FOXN3: variants seen among roughly 807,000 people sequenced by gnomAD.
FOXN3 encodes forkhead box protein N3.
Under a neutral mutation model 38.4 loss-of-function variants are expected in FOXN3, and 7 were observed. That is an observed-to-expected ratio of 0.18 (90% CI 0.10 to 0.34). The LOEUF is 0.34. FOXN3 is among the 10% of genes least tolerant of loss of function. FOXN3 has a pLI of 1.00. For synonymous variants in FOXN3, 230 were observed against 242.2 expected (o/e 0.95, Z 0.47); for missense variants, 456 against 613.4 (o/e 0.74, Z 2.71).
intron 1 of FOXN3, among the ~76,000 whole-genome samples, chr14:89,434,822 A>G (rs1892240948): frequency 6.6e-6 from 1 of 152,236 alleles, no homozygotes; most frequent in African/African-American, 2.4e-5. Context: ...ACATTTGACA[A>G]GAAACCATTT....
In FOXN3 at chr14:89,360,708, TCCAGCACTACCTCCA is replaced by T. The variant is rs1280071670; in HGVS notation, c.544-9915_544-9901del. On this transcript the variant is annotated intron_variant, in intron 2 of 5. Transcript: ENST00000557258. ...AAACTCATCCTCAGCTACCACCACC[TCCAGCACTACCTCCA>T]CCACCACCACCTCCAGCACCACCTC... is the stretch of plus-strand genomic sequence containing the variant. Among the ~76,000 whole-genome samples, 113 of 143,938 alleles carry T rather than the reference TCCAGCACTACCTCCA, an allele frequency of 7.9e-4. 3 individuals are homozygous for T. The highest frequency in any genetic ancestry group is 1.9e-3 in the East Asian group (9 of 4,646). 94.4% of individuals were successfully genotyped at this position (143,938 alleles called of 152,430 possible).
chr14:89,230,526 T>C (rs1391957171), intron 4 of FOXN3, among the ~76,000 whole-genome samples: 1 of 152,258 alleles, frequency 6.6e-6, no homozygotes, highest in South Asian at 2.1e-4. Context: ...GGATTAAGTA[T>C]ACATAAAGGG....
chr14:89,389,002 A>G (rs1890863801), intron 2 of FOXN3, among the ~76,000 whole-genome samples: 1 of 152,006 alleles, frequency 6.6e-6, no homozygotes, highest in South Asian at 2.1e-4. Flanking sequence ...TGGGAAGAGA[A>G]CTCAGAGATT....
chr14:89,378,016 G>C (rs1890533041), intron 2 of FOXN3, among the ~76,000 whole-genome samples: 1 of 152,184 alleles, frequency 6.6e-6, no homozygotes, highest in Non-Finnish European at 1.5e-5. Context: ...CTGACACCTT[G>C]ATCTTGGACT....
chr14:89,230,296 CT>C (rs1243283386), intron 4 of FOXN3, among the ~76,000 whole-genome samples: 1 of 152,234 alleles, frequency 6.6e-6, no homozygotes, highest in Admixed American at 6.5e-5. Context: ...CAGAAAACGT[CT>C]GCTGAATGGA....
chr14:89,411,616 A>C (rs1450914319), intron 2 of FOXN3, among the ~76,000 whole-genome samples: 1 of 152,218 alleles, frequency 6.6e-6, no homozygotes, highest in Non-Finnish European at 1.5e-5. Flanking sequence ...ACCTTTGTTA[A>C]GACCCTAAAA....
At chr14:89,423,094 G>A (rs1171153362) in intron 1 of FOXN3, among the ~76,000 whole-genome samples, 1 of 152,206 alleles carries the variant, frequency 6.6e-6, no homozygotes, top group South Asian at 2.1e-4. Flanking sequence ...GAAGAGGCCA[G>A]GAGAAACAGA....
intron 4 of FOXN3, among the ~76,000 whole-genome samples, chr14:89,230,169 T>A (rs1001431710): frequency 6.6e-6 from 1 of 152,250 alleles, no homozygotes; most frequent in Non-Finnish European, 1.5e-5. Context: ...GATTTGCTTA[T>A]ATGTCTGTGA....
intron 3 of FOXN3, among the ~76,000 whole-genome samples, chr14:89,328,552 A>G (rs1383000904): frequency 1.3e-5 from 2 of 152,168 alleles, no homozygotes; most frequent in Non-Finnish European, 2.9e-5. Flanking sequence ...TGAATGGGGG[A>G]AGAGACATTC....
intron 3 of FOXN3, among the ~76,000 whole-genome samples, chr14:89,324,846 C>T (rs966393985): frequency 6.6e-6 from 1 of 152,108 alleles, no homozygotes; most frequent in African/African-American, 2.4e-5. Context: ...CTTAAACCAC[C>T]TGGAGATTGT....
At chr14:89,280,819 G>T (rs1430939246) in intron 4 of FOXN3, 131 bp downstream of exon 4, 6 of 689,820 alleles carry the variant, frequency 8.7e-6, no homozygotes, top group African/African-American at 5.4e-5. Flanking sequence ...ACCCACAACA[G>T]TCACACTTCT....
intron 1 of FOXN3, among the ~76,000 whole-genome samples, chr14:89,581,754 G>C (rs978789142): frequency 2.6e-5 from 4 of 152,226 alleles, no homozygotes; most frequent in Admixed American, 2.0e-4. Context: ...TTCTACTTCA[G>C]GGATTCCCTC....
chr14:89,272,939 A>AT (rs1429086763), intron 4 of FOXN3, among the ~76,000 whole-genome samples: 1 of 152,212 alleles, frequency 6.6e-6, no homozygotes, highest in Non-Finnish European at 1.5e-5. Flanking sequence ...GAGCCCTGAA[A>AT]TTTTTTGCTG....
chr14:89,203,541 G>A (rs1202858743), intron 4 of FOXN3, among the ~76,000 whole-genome samples: 1 of 152,232 alleles, frequency 6.6e-6, no homozygotes, highest in Non-Finnish European at 1.5e-5. Context: ...AGGAGGGCAT[G>A]GAGGGCAGAA....
rs375153008 is a variant in FOXN3, at chr14:89,607,551, C to T, written c.-15+11477G>A. 2.0e-4 allele frequency among the ~76,000 whole-genome samples: 29 copies of T among 148,130 alleles called. No individual in the cohort carries two copies. The East Asian group carries it at 3.4e-3, about 17-fold the overall frequency. On this transcript the variant is annotated intron_variant, in intron 1 of 6. Coordinates refer to the FOXN3 transcript ENST00000345097. ...TCCAGCCTAGACGACAGAGCAAGAC[C>T]GTGTCTTAAAAAAAAAAAAAAAAAA... is the stretch of plus-strand genomic sequence containing the variant.
intron 1 of FOXN3, among the ~76,000 whole-genome samples, chr14:89,598,211 A>G (rs962443439): frequency 3.3e-5 from 5 of 152,160 alleles, no homozygotes; most frequent in Non-Finnish European, 5.9e-5. Flanking sequence ...TTTATGTTCT[A>G]CTTTTACCAT....
chr14:89,291,501 C>T, intron 3 of FOXN3: 1 of 595,228 alleles, frequency 1.7e-6, no homozygotes, highest in Non-Finnish European at 3.3e-6. Context: ...CTTACCCCGC[C>T]ATCCCCAGGG....
At position 89,511,202 on chromosome 14, in the gene FOXN3, C is replaced by CTTTCT. The variant is rs1566681044; in HGVS notation, c.-14-98713_-14-98712insAGAAA. On this transcript the variant is annotated intron_variant, in intron 1 of 6. Transcript: ENST00000345097. ...CTTTCTTTCTTTCTTTTCTTTCTTT[C>CTTTCT]TTTTCTTTCTTTCTTTCTTTCTTTC... is the stretch of plus-strand genomic sequence containing the variant. Among the ~76,000 whole-genome samples the CTTTCT allele has an allele frequency of 3.5e-3, 30 of 8,618 alleles. 8 individuals are homozygous for CTTTCT. Among genetic ancestry groups the CTTTCT allele is most frequent in the African/African-American group, 4.8e-3 (27 of 5,662 alleles). 5.7% of individuals were successfully genotyped at this position (8,618 alleles called of 152,430 possible).
chr14:89,406,408 C>T (rs1265174878), intron 2 of FOXN3, among the ~76,000 whole-genome samples: 1 of 146,552 alleles, frequency 6.8e-6, no homozygotes, highest in East Asian at 2.0e-4. Context: ...TGACAGAGAC[C>T]CTGTCTCAAA....
Sources: gnomAD v4.1 joint callset for allele counts (sites outside exome capture counted in the v4.1 genomes callset) on GRCh38, gnomAD v4.1.1 for gene constraint, MANE v1.5 for transcripts, NCBI Gene and HGNC (gene_info 2026-07-23, HGNC 2026-07-21) for gene names.